Variants in DESI2 observed in about 807,000 individuals in gnomAD.
The protein encoded by DESI2 is desumoylating isopeptidase 2.
DESI2 carries 10 observed loss-of-function variants against 24.1 expected under a neutral mutation model. That is an observed-to-expected ratio of 0.41 (90% CI 0.26 to 0.70). The LOEUF (loss-of-function observed/expected upper bound fraction) is 0.70. Among genes scored for constraint, DESI2 ranks in the 30% least tolerant of loss-of-function variants. DESI2 has a pLI of 0.29. For synonymous variants in DESI2, 71 were observed against 87.7 expected, an observed-to-expected ratio of 0.81 and a Z score of 1.06; for missense variants, 122 against 234.9, an observed-to-expected ratio of 0.52 and a Z score of 3.14.
chr1:244,659,540 A>G (rs1675766648), intron 1 of DESI2, among the ~76,000 whole-genome samples: 1 of 152,166 alleles, frequency 6.6e-6, no homozygotes, highest in South Asian at 2.1e-4. Context: ...TTCAAGTGTC[A>G]TGCAGTCCTC....
chr1:244,660,652 A>G (rs1449682266), intron 1 of DESI2, among the ~76,000 whole-genome samples: 1 of 152,248 alleles, frequency 6.6e-6, no homozygotes, highest in Non-Finnish European at 1.5e-5. Context: ...TAATAAAAGG[A>G]CAATGGGATG....
chr1:244,682,705 A>G (rs894812468), intron 1 of DESI2, among the ~76,000 whole-genome samples: 2 of 152,208 alleles, frequency 1.3e-5, no homozygotes, highest in African/African-American at 4.8e-5. Flanking sequence ...CACGCAGACA[A>G]TTTGCAAACA....
In DESI2 at chr1:244,686,583, T is replaced by C; in HGVS notation, c.43-14T>C. 2 of 1,568,562 alleles carry C rather than the reference T, an allele frequency of 1.3e-6. No homozygotes were observed. The highest frequency in any genetic ancestry group is 1.8e-6 in the Non-Finnish European group (2 of 1,139,156). On this transcript the variant is annotated splice_polypyrimidine_tract_variant and intron_variant, in intron 1 of 4. Transcript: ENST00000302550. ...GAACAGGTATTCTGAATCTTTTCTT[T>C]CTTTTTTTCTCAGTATTGGATGAAC...
chr1:244,664,621 C>T (rs1318857160), intron 1 of DESI2, among the ~76,000 whole-genome samples: 8 of 152,182 alleles, frequency 5.3e-5, no homozygotes, highest in Non-Finnish European at 1.0e-4. Context: ...TTGCCTCAGC[C>T]CAGAAGGTCG....
At chr1:244,682,555 T>G (rs1347300296) in intron 1 of DESI2, among the ~76,000 whole-genome samples, 1 of 152,200 alleles carries the variant, frequency 6.6e-6, no homozygotes, top group Non-Finnish European at 1.5e-5. Context: ...ATTTTCTGGT[T>G]TTTTCTTCTT....
At chr1:244,686,010 T>C (rs925694398) in intron 1 of DESI2, among the ~76,000 whole-genome samples, 17 of 152,238 alleles carry the variant, frequency 1.1e-4, no homozygotes, top group African/African-American at 3.9e-4. Context: ...AGTTCAGATA[T>C]TACTTTTCTG....
At chr1:244,702,965 G>A (rs77380148) in intron 4 of DESI2, among the ~76,000 whole-genome samples, 2,179 of 150,584 alleles carry the variant, frequency 0.014, 54 homozygotes, top group African/African-American at 0.051. Flanking sequence ...ATATGTCCCA[G>A]GTGTAAAGTA....
intron 1 of DESI2, among the ~76,000 whole-genome samples, chr1:244,668,883 C>G (rs1369800707): frequency 1.3e-5 from 2 of 152,110 alleles, no homozygotes; most frequent in African/African-American, 2.4e-5. Flanking sequence ...CCAAAAGTAA[C>G]TGTACTTATT....
rs1221193223 is a variant in DESI2 at position 244,708,357 on chromosome 1, G to A, written c.*2568G>A. 6.6e-6 allele frequency: 1 copy of A among 152,628 alleles called. No individual in the cohort carries two copies. Among genetic ancestry groups the A allele is most frequent in the Non-Finnish European group, 1.5e-5 (1 of 68,052 alleles). 9.5% of individuals were successfully genotyped at this position (152,628 alleles called of 1,614,324 possible). ...GGGGAGCATCAGCTTTGGAAAGTGTGACTCTGTAGGAGTGTAGAAGGCAGT... is the reference window on the plus strand; with the variant it reads ...GGGGAGCATCAGCTTTGGAAAGTGTAACTCTGTAGGAGTGTAGAAGGCAGT... On this transcript the variant is annotated 3_prime_UTR_variant, in exon 5 of 5. Coordinates refer to ENST00000302550, the MANE Select transcript of DESI2 (RefSeq NM_016076.5).
intron 4 of DESI2, among the ~76,000 whole-genome samples, chr1:244,699,326 G>A (rs1395706939): frequency 6.6e-6 from 1 of 152,054 alleles, no homozygotes; most frequent in African/African-American, 2.4e-5. Flanking sequence ...GCTCATGCCT[G>A]TAATCCCAAC....
At chr1:244,702,749 A>G (rs1573235464) in intron 4 of DESI2, among the ~76,000 whole-genome samples, 1 of 152,176 alleles carries the variant, frequency 6.6e-6, no homozygotes, top group Non-Finnish European at 1.5e-5. Context: ...TAGGCTAATC[A>G]AGCCACACCC....
Position 244,706,375 on chromosome 1 carries a change from T to C in DESI2, c.*586T>C, listed in dbSNP as rs1677707521. The C allele has an allele frequency of 6.5e-6, 1 of 154,482 alleles. No homozygotes were observed. The highest frequency in any genetic ancestry group is 1.4e-5 in the Non-Finnish European group (1 of 69,398). The allele number at this position is 154,482 out of a possible 1,614,324, so 9.6% of individuals were successfully genotyped here. ...CTTGGAACCCTGGGTCCAGTTCCTC[T>C]TCACACCCCCTTCCACTCTGAGTAG... On this transcript the variant is annotated 3_prime_UTR_variant, in exon 5 of 5. Coordinates refer to ENST00000302550, the MANE Select transcript of DESI2 (RefSeq NM_016076.5).
intron 4 of DESI2, among the ~76,000 whole-genome samples, chr1:244,701,613 T>G (rs1677467689): frequency 6.6e-6 from 1 of 152,196 alleles, no homozygotes; most frequent in Non-Finnish European, 1.5e-5. Flanking sequence ...GAGTCCAGAA[T>G]TGTTTGGGAC....
intron 1 of DESI2, among the ~76,000 whole-genome samples, chr1:244,674,657 A>G (rs1347134407): frequency 6.6e-6 from 1 of 152,200 alleles, no homozygotes; most frequent in Middle Eastern, 3.2e-3. Context: ...AATGTTTTCA[A>G]GGTTCATTCC....
intron 1 of DESI2, among the ~76,000 whole-genome samples, chr1:244,669,661 G>C (rs534163815): frequency 2.0e-5 from 3 of 152,156 alleles, no homozygotes; most frequent in East Asian, 3.9e-4. Context: ...CTGGACAACA[G>C]GAGCGAAACT....
intron 1 of DESI2, among the ~76,000 whole-genome samples, chr1:244,658,618 C>T (rs779274764): frequency 2.2e-4 from 33 of 151,978 alleles, no homozygotes; most frequent in Admixed American, 1.6e-3. Context: ...TAGAAATATC[C>T]GCTCAATGAG....
At position 244,705,648 on chromosome 1, in the gene DESI2, G is replaced by A. The variant is rs997113355; in HGVS notation, c.444G>A (p.Glu148=). 3 of 1,614,082 alleles carry A rather than the reference G, an allele frequency of 1.9e-6. No individual in the cohort carries two copies. The highest frequency in any genetic ancestry group is 1.7e-5 in the Admixed American group (1 of 60,006). Reference sequence around the variant, plus strand: ...TTCTACAGAGTTGCCTCCCGAAGGAGTGGCTCACGCCCGCAGCCCTGCAGT... The same window carrying A: ...TTCTACAGAGTTGCCTCCCGAAGGAATGGCTCACGCCCGCAGCCCTGCAGT... ...IPFLQSCLPK[E]WLTPAALQSS... The change falls in exon 5 of 5, where the codon GAG becomes GAA. Residue 148 remains glutamate, a synonymous_variant. Coordinates refer to ENST00000302550, the MANE Select transcript of DESI2 (RefSeq NM_016076.5).
intron 4 of DESI2, among the ~76,000 whole-genome samples, chr1:244,692,551 T>C (rs563894025): frequency 1.2e-4 from 18 of 152,264 alleles, no homozygotes. Flanking sequence ...AGAAAGATTA[T>C]AAAGTAAGGT....
At chr1:244,665,683 C>G (rs754122961) in intron 1 of DESI2, among the ~76,000 whole-genome samples, 3 of 152,162 alleles carry the variant, frequency 2.0e-5, no homozygotes, top group Non-Finnish European at 2.9e-5. Flanking sequence ...TGGGCTTCAT[C>G]CAGTCAGTTG....
Sources: gnomAD v4.1 joint callset for allele counts (sites outside exome capture counted in the v4.1 genomes callset) on GRCh38, gnomAD v4.1.1 for gene constraint, MANE v1.5 for transcripts, NCBI Gene and HGNC (gene_info 2026-07-23, HGNC 2026-07-21) for gene names.